COQ8A: variants seen among roughly 807,000 people sequenced by gnomAD.
The protein encoded by COQ8A is atypical kinase COQ8A, mitochondrial.
A neutral mutation model predicts 65.0 loss-of-function variants in COQ8A; 51 were observed. That is an observed-to-expected ratio of 0.78 (90% CI 0.63 to 0.99). COQ8A has a LOEUF of 0.99. COQ8A is among the 50% of genes least tolerant of loss of function. COQ8A has a pLI of 0.00. For synonymous variants in COQ8A, 371 were observed against 353.2 expected, an observed-to-expected ratio of 1.05 and a Z score of -0.57; for missense variants, 940 against 875.0, an observed-to-expected ratio of 1.07 and a Z score of -0.94.
intron 1 of COQ8A, among the ~76,000 whole-genome samples, chr1:226,955,303 C>T (rs1657619642): frequency 6.6e-6 from 1 of 151,908 alleles, no homozygotes; most frequent in South Asian, 2.1e-4. Context: ...GGGAAGGCTT[C>T]TCAGCGTGGA....
chr1:226,970,065 G>T (rs1166724073), intron 4 of COQ8A, among the ~76,000 whole-genome samples: 2 of 152,052 alleles, frequency 1.3e-5, no homozygotes, highest in Non-Finnish European at 2.9e-5. Context: ...CAATTCCCAT[G>T]CCTCAGCCAC....
At chr1:226,986,415 G>A (rs773308609) in intron 14 of COQ8A, 38 bp from the exon 15 acceptor site, 1 of 1,606,556 alleles carries the variant, frequency 6.2e-7, no homozygotes, top group East Asian at 2.2e-5. Flanking sequence ...GAGGGCTCTG[G>A]TGTCTCGCCG....
chr1:226,964,052 G>A (rs1348846371), intron 2 of COQ8A, among the ~76,000 whole-genome samples: 1 of 152,216 alleles, frequency 6.6e-6, no homozygotes, highest in African/African-American at 2.4e-5. Context: ...TGAAATGAGT[G>A]TAACAGCCTG....
chr1:226,957,191 C>T (rs567364120), intron 1 of COQ8A, among the ~76,000 whole-genome samples: 7 of 150,576 alleles, frequency 4.6e-5, no homozygotes, highest in South Asian at 2.1e-4. Flanking sequence ...CCCTGACTCC[C>T]GCTCTCCCTG....
At chr1:226,983,154 C>T (rs1025535616) in intron 8 of COQ8A, 120 bp downstream of exon 8, 1 of 1,399,458 alleles carries the variant, frequency 7.1e-7, no homozygotes, top group Non-Finnish European at 9.5e-7. Context: ...CCTGGCAGGG[C>T]CATATGTGGT....
chr1:226,982,086 G>C lies in COQ8A; in HGVS notation c.790G>C (p.Val264Leu). 6.2e-7 allele frequency: 1 copy of C among 1,612,584 alleles called. No homozygotes were observed. The highest frequency in any genetic ancestry group is 1.3e-5 in the African/African-American group (1 of 75,046). The change falls in exon 6 of 15, where the codon GTG (valine) becomes CTG (leucine). Residue 264 changes from valine (V) to leucine (L), a missense_variant. Val to Leu is a conservative substitution (Grantham distance 32). Coordinates refer to ENST00000366777, the MANE Select transcript of COQ8A (RefSeq NM_020247.5). ...GTCCGAGGCCAATGCAGAGCGGATC[G>C]TGCGCACGCTCTGCAAGGTGCGTGG... The part of the protein sequence containing the change: ...FLSEANAERI[V>L]RTLCKVRGAA...
Position 226,986,823 on chromosome 1 carries a change from C to CAA in COQ8A, c.*86_*87insAA. Reference sequence around the variant, plus strand: ...CCAGTAGCGAGGTCGTGGTGATGCTCTTTTTAACTCCTTTGCCCAATAAGG... The same window carrying CAA: ...CCAGTAGCGAGGTCGTGGTGATGCTCAATTTTTAACTCCTTTGCCCAATAAGG... On this transcript the variant is annotated 3_prime_UTR_variant, in exon 15 of 15. Transcript: ENST00000366777. 1 of 1,503,646 alleles carries CAA rather than the reference C, an allele frequency of 6.7e-7. No individual in the cohort carries two copies. The highest frequency in any genetic ancestry group is 1.2e-5 in the South Asian group (1 of 83,708). 93.1% of individuals were successfully genotyped at this position (1,503,646 alleles called of 1,614,324 possible). A position where few individuals can be genotyped will look rare whatever the true frequency, so the allele number is the denominator to read the frequency against.
intron 12 of COQ8A, 28 bp downstream of exon 12, chr1:226,984,683 G>A (rs1289306461): frequency 6.3e-7 from 1 of 1,599,880 alleles, no homozygotes; most frequent in Non-Finnish European, 8.6e-7. Context: ...GGCACCCGCA[G>A]CCAGGCCTGA....
chr1:226,971,094 C>A (rs1658881630), intron 4 of COQ8A, among the ~76,000 whole-genome samples: 1 of 151,966 alleles, frequency 6.6e-6, no homozygotes, highest in Admixed American at 6.6e-5. Flanking sequence ...GTGCATGCCA[C>A]CACACCCAGC....
intron 2 of COQ8A, among the ~76,000 whole-genome samples, chr1:226,962,134 C>T (rs1267159795): frequency 6.6e-6 from 1 of 152,228 alleles, no homozygotes; most frequent in Non-Finnish European, 1.5e-5. Flanking sequence ...AGGCCCTTCC[C>T]ACTGAGCCTG....
rs531785041 is a variant in COQ8A, at chr1:226,983,707, G to T, written c.1163-54G>T. The T allele has an allele frequency of 5.8e-3, 9,349 of 1,611,734 alleles. 54 individuals carry two copies. The highest frequency in any genetic ancestry group is 5.9e-3 in the Non-Finnish European group (6,957 of 1,178,534). The stretch of plus-strand genomic sequence containing the variant: ...CTGTGTTGGGTTCTGGGGACCAGAG[G>T]GGGTCCTCCCTGCAGAGCCCCCTTC... On this transcript the variant is annotated intron_variant, in intron 9 of 14. Coordinates refer to ENST00000366777, the MANE Select transcript of COQ8A (RefSeq NM_020247.5).
In COQ8A at chr1:226,986,953, G is replaced by A; in HGVS notation, c.*216G>A. Reference sequence around the variant, plus strand: ...AATGAAGATGAAGCCCCACTGCTCGGTCAGTCTGCCTCCGTGTGTCCTCTG... The same window carrying A: ...AATGAAGATGAAGCCCCACTGCTCGATCAGTCTGCCTCCGTGTGTCCTCTG... On this transcript the variant is annotated 3_prime_UTR_variant, in exon 15 of 15. Transcript: ENST00000366777. 1 of 617,000 alleles carries A rather than the reference G, an allele frequency of 1.6e-6. No individual in the cohort carries two copies. Among genetic ancestry groups the A allele is most frequent in the Admixed American group, 2.9e-5 (1 of 34,774 alleles). The allele number at this position is 617,000 out of a possible 1,614,324, so 38.2% of individuals were successfully genotyped here.
intron 4 of COQ8A, among the ~76,000 whole-genome samples, chr1:226,969,478 C>T (rs961724329): frequency 4.6e-5 from 7 of 152,248 alleles, no homozygotes; most frequent in South Asian, 2.1e-4. Context: ...CCTCATGATC[C>T]GCCCGCCTCG....
At position 226,982,735 on chromosome 1, in the gene COQ8A, C is replaced by T. The variant is rs748118737; in HGVS notation, c.911C>T (p.Ala304Val). The T allele has an allele frequency of 4.0e-5, 65 of 1,613,568 alleles. No homozygotes were observed. The highest frequency in any genetic ancestry group is 4.7e-5 in the Non-Finnish European group (56 of 1,180,020). Residue 304 changes from alanine to valine, a missense_variant, in exon 7 of 15, where the codon GCG becomes GTG. Ala to Val is a moderately conservative substitution (Grantham distance 64). Coordinates refer to ENST00000366777, the MANE Select transcript of COQ8A (RefSeq NM_020247.5). ...ATCTTCGAGCGGGTGCGGCAGAGCG[C>T]GGACTTCATGCCACTGAAGCAGATG... ...AKIFERVRQSADFMPLKQMMK... is the reference protein window; with the variant it reads ...AKIFERVRQSVDFMPLKQMMK...
At chr1:226,965,619 T>C in intron 3 of COQ8A, 52 bp from the exon 4 acceptor site, 1 of 1,594,346 alleles carries the variant, frequency 6.3e-7, no homozygotes, top group Non-Finnish European at 8.6e-7. Flanking sequence ...CTCTGAAGGT[T>C]GGTCCTGTCC....
At chr1:226,947,851 TAGAG>T (rs1657138366) in intron 1 of COQ8A, among the ~76,000 whole-genome samples, 1 of 151,858 alleles carries the variant, frequency 6.6e-6, no homozygotes, top group Non-Finnish European at 1.5e-5. Context: ...GGGCCCAATA[TAGAG>T]AAAGTCAACA....
At chr1:226,956,029 C>T (rs1657718868) in intron 1 of COQ8A, among the ~76,000 whole-genome samples, 1 of 138,970 alleles carries the variant, frequency 7.2e-6, no homozygotes, top group Non-Finnish European at 1.5e-5. Context: ...CTCCCTGGTT[C>T]ACACTCTCCC....
chr1:226,967,549 C>T (rs1285131639), intron 4 of COQ8A, among the ~76,000 whole-genome samples: 2 of 152,114 alleles, frequency 1.3e-5, no homozygotes, highest in African/African-American at 4.8e-5. Context: ...GAAGTCCTGG[C>T]GAAGGAGGCA....
chr1:226,953,455 A>G (rs902610970), intron 1 of COQ8A, among the ~76,000 whole-genome samples: 1 of 152,094 alleles, frequency 6.6e-6, no homozygotes, highest in African/African-American at 2.4e-5. Context: ...GTTTTTAGGG[A>G]GATGTAATTT....
Sources: gnomAD v4.1 joint callset for allele counts (sites outside exome capture counted in the v4.1 genomes callset) on GRCh38, gnomAD v4.1.1 for gene constraint, MANE v1.5 for transcripts, NCBI Gene and HGNC (gene_info 2026-07-23, HGNC 2026-07-21) for gene names.